Variants in ADCY2 observed in about 807,000 individuals in gnomAD.
ADCY2 encodes adenylate cyclase type 2.
Under a neutral mutation model 125.2 loss-of-function variants are expected in ADCY2, and 31 were observed. The ratio of observed to expected loss-of-function variants is 0.25; its 90% CI spans 0.19 to 0.33. ADCY2 has a LOEUF of 0.33. Ranked by LOEUF, ADCY2 falls within the 10% of genes least tolerant of loss-of-function variation. The pLI, the probability that ADCY2 is intolerant of heterozygous loss-of-function variation, is 1.00. For missense variants in ADCY2, 904 were observed against 1,418.2 expected (o/e 0.64, Z 5.82); for synonymous variants, 512 against 548.4 (o/e 0.93, Z 0.93).
At chr5:7,485,398 CA>C (rs572836652) in intron 2 of ADCY2, among the ~76,000 whole-genome samples, 5 of 151,434 alleles carry the variant, frequency 3.3e-5, no homozygotes, top group African/African-American at 7.3e-5. Context: ...ATTCGTGGAA[CA>C]AAAAAAGCAT....
chr5:7,772,983 C>A lies in ADCY2; in HGVS notation c.2266C>A (p.Arg756=), dbSNP rs1310622653. The change falls in exon 18 of 25, where the codon CGG becomes AGG. Residue 756 remains arginine (R), a synonymous_variant. Transcript: ENST00000338316. ...ACTGATATCCTGTTCCGTGTTCCTG[C>A]GGGTAAACTATGAGCTGAAGATGTT... is the stretch of plus-strand genomic sequence containing the variant. ...LGLISCSVFL[R]VNYELKMLIM... is the part of the protein sequence containing the mutation. 1.9e-6 allele frequency: 3 copies of A among 1,614,100 alleles called. No homozygotes were observed. Among genetic ancestry groups the A allele is most frequent in the African/African-American group, 1.3e-5 (1 of 75,032 alleles).
intron 3 of ADCY2, among the ~76,000 whole-genome samples, chr5:7,597,633 A>C (rs2126631905): frequency 6.6e-6 from 1 of 152,214 alleles, no homozygotes; most frequent in East Asian, 1.9e-4. Flanking sequence ...AAAATTTAGC[A>C]GGGCATGGTA....
intron 18 of ADCY2, among the ~76,000 whole-genome samples, chr5:7,777,229 C>T (rs966194852): frequency 6.6e-6 from 1 of 152,202 alleles, no homozygotes; most frequent in Non-Finnish European, 1.5e-5. Context: ...ATGAAGGGGA[C>T]ATGGCTTCTG....
chr5:7,817,642 C>T (rs529014853), intron 23 of ADCY2, among the ~76,000 whole-genome samples: 2 of 152,076 alleles, frequency 1.3e-5, no homozygotes, highest in East Asian at 1.9e-4. Flanking sequence ...GCCTGGGCAA[C>T]ATGATGAGAC....
chr5:7,507,356 G>C (rs1291147702), intron 2 of ADCY2, among the ~76,000 whole-genome samples: 1 of 136,092 alleles, frequency 7.3e-6, no homozygotes, highest in Non-Finnish European at 1.6e-5. Context: ...CAGGAGAATG[G>C]CGTGAACCCG....
chr5:7,481,643 A>G (rs942495679), intron 2 of ADCY2, among the ~76,000 whole-genome samples: 1 of 151,990 alleles, frequency 6.6e-6, no homozygotes, highest in Admixed American at 6.6e-5. Context: ...TCATTTGCCC[A>G]TTTTTCAATT....
rs2973332 is a variant in ADCY2 at position 7,666,055 on chromosome 5, G to A, written c.721-24636G>A. Reference sequence around the variant, plus strand: ...GGGTTTCACCATGTTAGCCAGGATGGTCTCGATCTCCTGACCTCGTGATCC... The same window carrying A: ...GGGTTTCACCATGTTAGCCAGGATGATCTCGATCTCCTGACCTCGTGATCC... On this transcript the variant is annotated intron_variant, in intron 4 of 24. Coordinates refer to ENST00000338316, the MANE Select transcript of ADCY2 (RefSeq NM_020546.3). Among the ~76,000 whole-genome samples, 372 of 151,148 alleles carry A rather than the reference G, an allele frequency of 2.5e-3. 4 individuals carry two copies. The highest frequency in any genetic ancestry group is 7.7e-3 in the African/African-American group (316 of 41,184).
At chr5:7,469,834 A>G (rs1401214514) in intron 2 of ADCY2, among the ~76,000 whole-genome samples, 1 of 151,736 alleles carries the variant, frequency 6.6e-6, no homozygotes, top group Non-Finnish European at 1.5e-5. Context: ...CTATATAAGA[A>G]CACAGTGAAA....
chr5:7,566,295 C>T (rs1055179182), intron 3 of ADCY2, among the ~76,000 whole-genome samples: 3 of 151,964 alleles, frequency 2.0e-5, no homozygotes, highest in Non-Finnish European at 2.9e-5. Flanking sequence ...AAGACCAGCT[C>T]GGCAACATGA....
chr5:7,460,066 G>C (rs1402664163), intron 2 of ADCY2, among the ~76,000 whole-genome samples: 1 of 151,900 alleles, frequency 6.6e-6, no homozygotes, highest in African/African-American at 2.4e-5. Context: ...GATTACAGGT[G>C]TGAGCCACGG....
At chr5:7,517,367 G>A (rs1435442282) in intron 2 of ADCY2, among the ~76,000 whole-genome samples, 1 of 152,190 alleles carries the variant, frequency 6.6e-6, no homozygotes, top group African/African-American at 2.4e-5. Flanking sequence ...CGACTATCTG[G>A]AGCTTTTTAC....
At chr5:7,452,691 G>T (rs1458101701) in intron 2 of ADCY2, among the ~76,000 whole-genome samples, 1 of 152,120 alleles carries the variant, frequency 6.6e-6, no homozygotes, top group African/African-American at 2.4e-5. Flanking sequence ...TTTCTATTGA[G>T]GTTGTACTGA....
At chr5:7,787,709 G>A (rs554996917) in intron 19 of ADCY2, among the ~76,000 whole-genome samples, 2 of 152,190 alleles carry the variant, frequency 1.3e-5, no homozygotes, top group South Asian at 4.1e-4. Context: ...TAGATAAATA[G>A]ATTTGGCAAA....
At chr5:7,648,751 A>G (rs1337985863) in intron 4 of ADCY2, among the ~76,000 whole-genome samples, 1 of 152,236 alleles carries the variant, frequency 6.6e-6, no homozygotes, top group Non-Finnish European at 1.5e-5. Context: ...TATGATTTTG[A>G]TAAGCAAAAA....
intron 5 of ADCY2, among the ~76,000 whole-genome samples, chr5:7,692,770 A>G (rs1408640766): frequency 6.6e-6 from 1 of 152,038 alleles, no homozygotes; most frequent in African/African-American, 2.4e-5. Context: ...TCTTCTGACA[A>G]TCTGTTTTGT....
chr5:7,457,378 C>G (rs1471365280), intron 2 of ADCY2, among the ~76,000 whole-genome samples: 2 of 152,142 alleles, frequency 1.3e-5, no homozygotes, highest in Non-Finnish European at 1.5e-5. Context: ...CTGGAGAGCT[C>G]AGGGTGCCCT....
At chr5:7,449,926 T>C (rs1741410668) in intron 2 of ADCY2, among the ~76,000 whole-genome samples, 1 of 152,204 alleles carries the variant, frequency 6.6e-6, no homozygotes, top group Non-Finnish European at 1.5e-5. Flanking sequence ...TTAAGTGTTT[T>C]GGGGCACCAC....
At chr5:7,418,846 G>T (rs2126343886) in intron 2 of ADCY2, among the ~76,000 whole-genome samples, 1 of 151,670 alleles carries the variant, frequency 6.6e-6, no homozygotes, top group Middle Eastern at 3.4e-3. Flanking sequence ...AATAGAGACG[G>T]GTTTCACCAT....
chr5:7,652,299 T>C (rs1739124274), intron 4 of ADCY2, among the ~76,000 whole-genome samples: 1 of 152,130 alleles, frequency 6.6e-6, no homozygotes, highest in South Asian at 2.1e-4. Flanking sequence ...AATGAATCCT[T>C]TATATTACAG....
Sources: gnomAD v4.1 joint callset for allele counts (sites outside exome capture counted in the v4.1 genomes callset) on GRCh38, gnomAD v4.1.1 for gene constraint, MANE v1.5 for transcripts, NCBI Gene and HGNC (gene_info 2026-07-23, HGNC 2026-07-21) for gene names.